Variants in ITGA8 observed in about 807,000 individuals in gnomAD.
ITGA8 encodes integrin subunit alpha 8.
In ITGA8, 91 loss-of-function variants were observed where a neutral mutation model predicts 142.3. The observed-to-expected ratio is 0.64, with a 90% confidence interval of 0.54 to 0.76. The LOEUF (loss-of-function observed/expected upper bound fraction) is 0.76, where lower values mean the gene tolerates loss of function less well. Ranked by LOEUF, ITGA8 falls within the 30% of genes least tolerant of loss-of-function variation. ITGA8 has a pLI of 0.00. For synonymous variants in ITGA8, 505 were observed against 485.2 expected, an observed-to-expected ratio of 1.04 and a Z score of -0.54; for missense variants, 1,406 against 1,327.7, an observed-to-expected ratio of 1.06 and a Z score of -0.92.
intron 27 of ITGA8, among the ~76,000 whole-genome samples, chr10:15,538,641 A>G (rs1833504093): frequency 6.6e-6 from 1 of 152,036 alleles, no homozygotes; most frequent in South Asian, 2.1e-4. Context: ...TAAAACTTAA[A>G]GTATAATAAT....
At chr10:15,688,179 G>C in intron 2 of ITGA8, 141 bp from the exon 3 acceptor site, 1 of 629,182 alleles carries the variant, frequency 1.6e-6, no homozygotes, top group Non-Finnish European at 2.8e-6. Flanking sequence ...AAGAGGCTGG[G>C]TATGGTGGCT....
At chr10:15,579,473 A>T (rs1005362960) in intron 23 of ITGA8, among the ~76,000 whole-genome samples, 23 of 152,108 alleles carry the variant, frequency 1.5e-4, no homozygotes, top group Non-Finnish European at 2.9e-5. Context: ...AACAAATAGA[A>T]ACATTTCCCA....
chr10:15,527,082 T>C (rs1833188721), intron 28 of ITGA8, among the ~76,000 whole-genome samples: 1 of 152,224 alleles, frequency 6.6e-6, no homozygotes. Context: ...GTCAGAAGAA[T>C]GTTTTAAATA....
intron 13 of ITGA8, among the ~76,000 whole-genome samples, chr10:15,635,875 C>G (rs921360424): frequency 2.7e-5 from 4 of 149,658 alleles, no homozygotes; most frequent in Non-Finnish European, 4.4e-5. Flanking sequence ...TTGGATAAAG[C>G]CTCCTTCCAT....
At chr10:15,644,337 G>T in intron 12 of ITGA8, 116 bp from the exon 13 acceptor site, 1 of 914,942 alleles carries the variant, frequency 1.1e-6, no homozygotes. Flanking sequence ...GTGGGATCAT[G>T]GCTCACCGCA....
At chr10:15,612,221 A>G (rs182117172) in intron 15 of ITGA8, among the ~76,000 whole-genome samples, 2 of 152,276 alleles carry the variant, frequency 1.3e-5, no homozygotes, top group African/African-American at 4.8e-5. Flanking sequence ...GCTCCCAGCA[A>G]TAGGATGTTT....
chr10:15,684,256 G>T, intron 3 of ITGA8, 129 bp from the exon 4 acceptor site: 1 of 855,616 alleles, frequency 1.2e-6, no homozygotes, highest in Non-Finnish European at 1.7e-6. Flanking sequence ...GCATGCTAAT[G>T]AGTGCCTTGG....
chr10:15,686,968 G>C (rs768869094), intron 3 of ITGA8, among the ~76,000 whole-genome samples: 2 of 152,144 alleles, frequency 1.3e-5, no homozygotes, highest in Non-Finnish European at 2.9e-5. Flanking sequence ...AGTTATTACA[G>C]AGTTAATTTT....
At chr10:15,670,065 A>G (rs562903407) in intron 8 of ITGA8, among the ~76,000 whole-genome samples, 226 of 152,252 alleles carry the variant, frequency 1.5e-3, no homozygotes, top group African/African-American at 5.1e-3. Flanking sequence ...GAAATCACCC[A>G]TCTTCTGCGT....
intron 3 of ITGA8, among the ~76,000 whole-genome samples, chr10:15,685,121 T>G (rs1345597840): frequency 6.6e-6 from 1 of 152,208 alleles, no homozygotes; most frequent in Non-Finnish European, 1.5e-5. Flanking sequence ...TAAGAGAGCA[T>G]GTTCATGAGC....
chr10:15,661,705 T>C (rs1387150409), intron 8 of ITGA8, among the ~76,000 whole-genome samples: 1 of 152,008 alleles, frequency 6.6e-6, no homozygotes, highest in East Asian at 1.9e-4. Context: ...CGTCTCAGAG[T>C]CAAGGGAGGG....
intron 23 of ITGA8, among the ~76,000 whole-genome samples, chr10:15,582,552 A>C (rs952776437): frequency 1.3e-5 from 2 of 152,264 alleles, no homozygotes; most frequent in African/African-American, 4.8e-5. Context: ...CTTTGTATAC[A>C]GAATTTATAA....
intron 2 of ITGA8, among the ~76,000 whole-genome samples, chr10:15,700,488 T>C (rs1323474403): frequency 6.6e-6 from 1 of 152,154 alleles, no homozygotes; most frequent in Non-Finnish European, 1.5e-5. Flanking sequence ...CAGATGAGAG[T>C]ATTGTATGCT....
At chr10:15,653,831 C>CTTTTTTTTTT (rs111283505) in intron 11 of ITGA8, among the ~76,000 whole-genome samples, 1 of 130,014 alleles carries the variant, frequency 7.7e-6, no homozygotes, top group African/African-American at 2.8e-5. Context: ...TTTCTTTTTT[C>CTTTTTTTTTT]TTTTTTTTTT....
At chr10:15,695,605 A>G (rs570492878) in intron 2 of ITGA8, among the ~76,000 whole-genome samples, 23 of 152,286 alleles carry the variant, frequency 1.5e-4, no homozygotes, top group African/African-American at 4.3e-4. Context: ...AGTGAAAACT[A>G]CTTCCAAGTA....
rs1263091535 is a variant in ITGA8 at position 15,516,678 on chromosome 10, G to A, written c.*480C>T. The A allele has an allele frequency of 6.6e-6, 1 of 152,432 alleles. No individual in the cohort carries two copies. The highest frequency in any genetic ancestry group is 2.4e-5 in the African/African-American group (1 of 41,440). The allele number at this position is 152,432 out of a possible 1,614,324, so 9.4% of individuals were successfully genotyped here. ...CCTGAGCCATAATGTCCTTAGAAAT[G>A]TTTCTTTTCCATAGGGAGGTGTCAA... On this transcript the variant is annotated 3_prime_UTR_variant, in exon 30 of 30. Coordinates refer to ENST00000378076, the MANE Select transcript of ITGA8 (RefSeq NM_003638.3).
At chr10:15,716,982 T>C (rs188431184) in intron 2 of ITGA8, among the ~76,000 whole-genome samples, 12 of 152,308 alleles carry the variant, frequency 7.9e-5, no homozygotes, top group Admixed American at 5.2e-4. Context: ...AATTTAATAT[T>C]GAAAATTTTC....
intron 2 of ITGA8, among the ~76,000 whole-genome samples, chr10:15,712,090 A>G (rs1013767784): frequency 6.6e-6 from 1 of 152,234 alleles, no homozygotes; most frequent in Non-Finnish European, 1.5e-5. Flanking sequence ...AAATTACTTT[A>G]ATCTATGTTA....
intron 15 of ITGA8, among the ~76,000 whole-genome samples, chr10:15,608,632 C>G (rs1446665525): frequency 6.6e-6 from 1 of 152,044 alleles, no homozygotes; most frequent in East Asian, 1.9e-4. Flanking sequence ...AATTAGGCAG[C>G]AGAGCAAGAG....
Sources: allele counts gnomAD v4.1 joint callset (sites outside exome capture counted in the v4.1 genomes callset), GRCh38; gene constraint gnomAD v4.1.1; transcripts MANE v1.5; gene names NCBI Gene and HGNC (gene_info 2026-07-23, HGNC 2026-07-21).